RAP1GAP2: variants seen among roughly 807,000 people sequenced by gnomAD.
The protein encoded by RAP1GAP2 is RAP1 GTPase activating protein 2.
Under a neutral mutation model 95.0 loss-of-function variants are expected in RAP1GAP2, and 27 were observed. That is an observed-to-expected ratio of 0.28 (90% CI 0.21 to 0.39). RAP1GAP2 has a LOEUF of 0.39. RAP1GAP2 is among the 10% of genes least tolerant of loss of function. RAP1GAP2 has a pLI of 1.00. For synonymous variants in RAP1GAP2, 373 were observed against 380.9 expected (o/e 0.98, Z 0.24); for missense variants, 771 against 970.0 (o/e 0.79, Z 2.72).
chr17:2,965,432 C>T lies in RAP1GAP2; in HGVS notation c.493-108C>T. 1 of 812,656 alleles carries T rather than the reference C, an allele frequency of 1.2e-6. No individual in the cohort carries two copies. The highest frequency in any genetic ancestry group is 1.6e-5 in the South Asian group (1 of 60,952). 50.3% of individuals were successfully genotyped at this position (812,656 alleles called of 1,614,324 possible). ...TGTCATTGTCATCAGTAGCATCCTT[C>T]TCTTCCTTGTTGCTGTGGGGCTTCT... On this transcript the variant is annotated intron_variant, in intron 7 of 24. Transcript: ENST00000254695. The surrounding 1 kb of genome is among the most constrained non-coding windows in gnomAD (Gnocchi z 4.7).
rs1018518047 is a variant in RAP1GAP2, at chr17:3,008,712, C to T, written c.1494+567C>T. Among the ~76,000 whole-genome samples the T allele has an allele frequency of 6.6e-6, 1 of 152,196 alleles. No individual in the cohort carries two copies. Among genetic ancestry groups the T allele is most frequent in the Non-Finnish European group, 1.5e-5 (1 of 68,036 alleles). On this transcript the variant is annotated intron_variant, in intron 17 of 24. Transcript: ENST00000254695. This position sits in a 1 kb window ranked among gnomAD's most constrained non-coding sequence, Gnocchi z 4.2. ...AAAGGAAGCAGTGAGCTCCCTGTCC[C>T]TGGAAGTATTCAAGTGGAGCTCGGA...
chr17:2,971,463 G>A (rs1307422434), intron 8 of RAP1GAP2, among the ~76,000 whole-genome samples: 1 of 152,046 alleles, frequency 6.6e-6, no homozygotes, highest in East Asian at 1.9e-4. Flanking sequence ...TGGCAGGTGT[G>A]TTGGCTCATG....
At chr17:2,801,594 G>GGTGT (rs1482014787) in intron 2 of RAP1GAP2, among the ~76,000 whole-genome samples, 12 of 125,960 alleles carry the variant, frequency 9.5e-5, no homozygotes, top group African/African-American at 3.1e-4. Flanking sequence ...AACACTCCAG[G>GGTGT]GTATGTGTGT....
chr17:3,001,490 C>T (rs1373118419), intron 14 of RAP1GAP2, among the ~76,000 whole-genome samples: 1 of 84,960 alleles, frequency 1.2e-5, no homozygotes, highest in Admixed American at 1.0e-4. Flanking sequence ...GTGGAGGTAA[C>T]AAGATCAGCC....
chr17:2,965,521 A>G lies in RAP1GAP2; in HGVS notation c.493-19A>G. ...AGGTTTCTTCCTCCTTCCTGCTCACACTCAGTTTCTTTTTTTAGGATCATC... is the reference window on the plus strand; with the variant it reads ...AGGTTTCTTCCTCCTTCCTGCTCACGCTCAGTTTCTTTTTTTAGGATCATC... On this transcript the variant is annotated intron_variant, in intron 7 of 24. Coordinates refer to ENST00000254695, the MANE Select transcript of RAP1GAP2 (RefSeq NM_015085.5). The surrounding 1 kb of genome is among the most constrained non-coding windows in gnomAD (Gnocchi z 4.7). 6.3e-7 allele frequency: 1 copy of G among 1,586,552 alleles called. No individual in the cohort carries two copies. Among genetic ancestry groups the G allele is most frequent in the Non-Finnish European group, 8.6e-7 (1 of 1,162,588 alleles).
chr17:2,813,311 G>A (rs11653795), intron 2 of RAP1GAP2, among the ~76,000 whole-genome samples: 63,831 of 151,844 alleles, frequency 0.42, 13,877 homozygotes, highest in Non-Finnish European at 0.49. Context: ...TCCTGACCTC[G>A]TGATCTGCCT....
At chr17:2,883,548 C>T (rs940847025) in intron 2 of RAP1GAP2, among the ~76,000 whole-genome samples, 1 of 152,086 alleles carries the variant, frequency 6.6e-6, no homozygotes, top group African/African-American at 2.4e-5. Context: ...TCTGTCTTTC[C>T]TCTCTCTCTC....
intron 2 of RAP1GAP2, chr17:2,770,475 A>T (rs1597276054): frequency 2.5e-6 from 1 of 398,686 alleles, no homozygotes; most frequent in Non-Finnish European, 4.4e-6. Flanking sequence ...TGACCCTCAC[A>T]TTCTTTGGCC....
chr17:2,927,292 T>C (rs537423589), intron 3 of RAP1GAP2, among the ~76,000 whole-genome samples: 2 of 152,090 alleles, frequency 1.3e-5, no homozygotes, highest in East Asian at 2.0e-4. Context: ...TAGCTGGGAC[T>C]ACAGGCACCC....
At chr17:2,974,989 G>A (rs2045049844) in intron 8 of RAP1GAP2, among the ~76,000 whole-genome samples, 1 of 152,226 alleles carries the variant, frequency 6.6e-6, no homozygotes, top group Non-Finnish European at 1.5e-5. Context: ...CACACTTTGG[G>A]AAGCCAAGGT....
intron 8 of RAP1GAP2, among the ~76,000 whole-genome samples, chr17:2,979,535 C>T (rs1313269371): frequency 4.2e-5 from 6 of 142,462 alleles, no homozygotes; most frequent in Non-Finnish European, 6.0e-5. Flanking sequence ...GGCACAATCT[C>T]GGCTCACTGC....
chr17:2,881,285 G>A (rs145360648), intron 2 of RAP1GAP2, among the ~76,000 whole-genome samples: 127 of 151,742 alleles, frequency 8.4e-4, no homozygotes, highest in African/African-American at 2.9e-3. Flanking sequence ...GAAAAAATGT[G>A]CCAGTGAGCA....
chr17:2,812,945 G>A (rs1183279263), intron 2 of RAP1GAP2, among the ~76,000 whole-genome samples: 14 of 148,664 alleles, frequency 9.4e-5, no homozygotes, highest in South Asian at 2.1e-4. Flanking sequence ...AGCCGAGATC[G>A]CACCATTGCA....
chr17:3,025,717 G>T (rs12601808), intron 19 of RAP1GAP2, among the ~76,000 whole-genome samples: 71 of 152,198 alleles, frequency 4.7e-4, no homozygotes, highest in African/African-American at 1.6e-3. Context: ...TGGCCAGCTT[G>T]GGTGAGAGAG....
At chr17:2,859,491 A>G (rs1214822672) in intron 2 of RAP1GAP2, among the ~76,000 whole-genome samples, 1 of 152,076 alleles carries the variant, frequency 6.6e-6, no homozygotes, top group Non-Finnish European at 1.5e-5. Flanking sequence ...GGTGGAGTGC[A>G]GTGGTATGAT....
intron 24 of RAP1GAP2, among the ~76,000 whole-genome samples, chr17:3,032,714 G>C (rs568238698): frequency 6.6e-6 from 1 of 151,510 alleles, no homozygotes; most frequent in South Asian, 2.1e-4. Context: ...TCTGGTTCCC[G>C]CAGGCAGAAG....
rs573870486 is a variant in RAP1GAP2 at position 2,866,096 on chromosome 17, G to A, written c.81-39188G>A. 2.6e-5 allele frequency among the ~76,000 whole-genome samples: 4 copies of A among 152,372 alleles called. No homozygotes were observed. The highest frequency in any genetic ancestry group is 5.9e-5 in the Non-Finnish European group (4 of 68,034). On this transcript the variant is annotated intron_variant, in intron 2 of 24. Coordinates refer to ENST00000254695, the MANE Select transcript of RAP1GAP2 (RefSeq NM_015085.5). This position sits in a 1 kb window ranked among gnomAD's most constrained non-coding sequence, Gnocchi z 4.0. ...CTGGAGGTCAGAAGAAAGGGGGACCGCCCAAGGAAGGCTGCCTGGAGTTGG... is the reference window on the plus strand; with the variant it reads ...CTGGAGGTCAGAAGAAAGGGGGACCACCCAAGGAAGGCTGCCTGGAGTTGG...
At chr17:3,013,474 G>A (rs1419473965) in intron 17 of RAP1GAP2, among the ~76,000 whole-genome samples, 4 of 152,228 alleles carry the variant, frequency 2.6e-5, no homozygotes, top group Middle Eastern at 3.4e-3. Flanking sequence ...CATTTGCCCC[G>A]CTAGAGGGAC....
chr17:2,939,125 G>A (rs1408107092), intron 3 of RAP1GAP2, among the ~76,000 whole-genome samples: 1 of 151,936 alleles, frequency 6.6e-6, no homozygotes, highest in Admixed American at 6.6e-5. Flanking sequence ...GAGTCCTGCT[G>A]TGTCGCCCAG....
Sources: gnomAD v4.1 joint callset for allele counts (sites outside exome capture counted in the v4.1 genomes callset) on GRCh38, gnomAD v4.1.1 for gene constraint, Gnocchi (gnomAD v3.1) non-coding constraint, MANE v1.5 for transcripts, NCBI Gene and HGNC (gene_info 2026-07-23, HGNC 2026-07-21) for gene names.